The following GRK5 variants were observed in gnomAD, a reference collection of about 807,000 sequenced individuals.
GRK5 encodes g protein-coupled receptor kinase GRK5.
Under a neutral mutation model 78.4 loss-of-function variants are expected in GRK5, and 40 were observed. That is an observed-to-expected ratio of 0.51 (90% CI 0.40 to 0.66). The LOEUF is 0.66. Among genes scored for constraint, GRK5 ranks in the 30% least tolerant of loss-of-function variants. GRK5 has a pLI of 0.00. For synonymous variants in GRK5, 289 were observed against 296.8 expected, an observed-to-expected ratio of 0.97 and a Z score of 0.27; for missense variants, 598 against 759.9, an observed-to-expected ratio of 0.79 and a Z score of 2.50.
intron 1 of GRK5, among the ~76,000 whole-genome samples, chr10:119,275,237 TC>T (rs1304047894): frequency 2.0e-5 from 3 of 152,166 alleles, no homozygotes; most frequent in Non-Finnish European, 4.4e-5. Flanking sequence ...GAGTAAAGTG[TC>T]AGGGCACATG....
chr10:119,354,317 A>C (rs768156410), intron 2 of GRK5, among the ~76,000 whole-genome samples: 4 of 151,152 alleles, frequency 2.6e-5, no homozygotes, highest in African/African-American at 7.3e-5. Flanking sequence ...ATTATTAACT[A>C]TAGTTCTCAT....
At chr10:119,418,605 CT>C (rs767269572) in intron 4 of GRK5, among the ~76,000 whole-genome samples, 1 of 152,238 alleles carries the variant, frequency 6.6e-6, no homozygotes, top group Non-Finnish European at 1.5e-5. Context: ...CAGGCTGAGG[CT>C]GACCACTGTG....
chr10:119,332,533 T>C (rs1339432325), intron 2 of GRK5, among the ~76,000 whole-genome samples: 1 of 152,190 alleles, frequency 6.6e-6, no homozygotes, highest in Non-Finnish European at 1.5e-5. Flanking sequence ...TCATTGTAGG[T>C]TGTTGTCTAC....
chr10:119,362,808 T>C (rs117139828), intron 2 of GRK5, among the ~76,000 whole-genome samples: 3,304 of 152,296 alleles, frequency 0.022, 62 homozygotes, highest in South Asian at 0.036. Flanking sequence ...GCAACATCTG[T>C]ATCTCCCAAG....
intron 1 of GRK5, among the ~76,000 whole-genome samples, chr10:119,276,344 C>A (rs991619735): frequency 1.3e-5 from 2 of 151,822 alleles, no homozygotes; most frequent in South Asian, 4.2e-4. Context: ...AATGAGAACA[C>A]GTGGTGTTTG....
At chr10:119,299,863 G>A (rs915176776) in intron 1 of GRK5, among the ~76,000 whole-genome samples, 1 of 151,938 alleles carries the variant, frequency 6.6e-6, no homozygotes, top group Non-Finnish European at 1.5e-5. Flanking sequence ...TGCACAACCT[G>A]CAGGTTTGTT....
chr10:119,318,518 C>T (rs1036486270), intron 1 of GRK5, among the ~76,000 whole-genome samples: 2 of 152,152 alleles, frequency 1.3e-5, no homozygotes, highest in Non-Finnish European at 2.9e-5. Flanking sequence ...TCCACATCAC[C>T]AGTATTGCGG....
rs1852995373 is a variant in GRK5, at chr10:119,439,785, T to A, written c.967+17T>A. The A allele has an allele frequency of 1.2e-6, 2 of 1,612,952 alleles. No individual in the cohort carries two copies. Among genetic ancestry groups the A allele is most frequent in the Non-Finnish European group, 1.7e-6 (2 of 1,179,206 alleles). ...ATGATTATGGTAAGTCTTTTCCTAC[T>A]CGGTAGCTGAGGTGAGCATTGCAAC... is the stretch of plus-strand genomic sequence containing the variant. On this transcript the variant is annotated intron_variant, in intron 10 of 15. Transcript: ENST00000392870.
At chr10:119,376,912 A>C (rs1441510238) in intron 2 of GRK5, among the ~76,000 whole-genome samples, 3 of 152,148 alleles carry the variant, frequency 2.0e-5, no homozygotes, top group Non-Finnish European at 4.4e-5. Flanking sequence ...TCTGGCTTGG[A>C]GGAAAAGATC....
intron 1 of GRK5, among the ~76,000 whole-genome samples, chr10:119,301,000 A>G (rs1766033434): frequency 6.6e-6 from 1 of 152,140 alleles, no homozygotes; most frequent in South Asian, 2.1e-4. Context: ...GCTACTTGGA[A>G]GGCTGAGTCA....
intron 1 of GRK5, among the ~76,000 whole-genome samples, chr10:119,279,505 C>T (rs1213586726): frequency 6.6e-6 from 1 of 152,152 alleles, no homozygotes; most frequent in Non-Finnish European, 1.5e-5. Flanking sequence ...AGGAGGAGGG[C>T]TCGGTGCTAC....
rs1853444305 is a variant in GRK5, at chr10:119,459,119, A to C, written c.*4052A>C. ...GGCTGTGGAAAGATAGTGAGTATGA[A>C]GTCTTTGTGCATTTGGAAGTGACAT... On this transcript the variant is annotated 3_prime_UTR_variant, in exon 16 of 16. Coordinates refer to ENST00000392870, the MANE Select transcript of GRK5 (RefSeq NM_005308.3). 1 of 152,214 alleles carries C rather than the reference A, an allele frequency of 6.6e-6. No individual in the cohort carries two copies. Among genetic ancestry groups the C allele is most frequent in the Admixed American group, 6.5e-5 (1 of 15,288 alleles). 9.4% of individuals were successfully genotyped at this position (152,214 alleles called of 1,614,324 possible).
rs185370578 is a variant in GRK5, at chr10:119,374,884, C to T, written c.149-5931C>T. On this transcript the variant is annotated intron_variant, in intron 2 of 15. Coordinates refer to ENST00000392870, the MANE Select transcript of GRK5 (RefSeq NM_005308.3). ...CCTGCTCCTGCTTCACCTTCTACCACGATTGTAAGCTTCCTGAGGCCTCCC... is the reference window on the plus strand; with the variant it reads ...CCTGCTCCTGCTTCACCTTCTACCATGATTGTAAGCTTCCTGAGGCCTCCC... Among the ~76,000 whole-genome samples, 17 of 152,220 alleles carry T rather than the reference C, an allele frequency of 1.1e-4. No homozygotes were observed. The East Asian group carries it at 2.7e-3, about 24-fold the overall frequency.
At chr10:119,354,732 C>G (rs1001252874) in intron 2 of GRK5, among the ~76,000 whole-genome samples, 3 of 152,170 alleles carry the variant, frequency 2.0e-5, no homozygotes, top group African/African-American at 7.2e-5. Context: ...TTCCATTGTA[C>G]AGTTGATCCT....
At chr10:119,441,237 C>A (rs1256627011) in intron 10 of GRK5, among the ~76,000 whole-genome samples, 1 of 152,210 alleles carries the variant, frequency 6.6e-6, no homozygotes, top group African/African-American at 2.4e-5. Flanking sequence ...GCCAGGGAGT[C>A]CACACGGCTC....
intron 2 of GRK5, among the ~76,000 whole-genome samples, chr10:119,363,431 C>A (rs1046183562): frequency 1.3e-5 from 2 of 152,176 alleles, no homozygotes; most frequent in African/African-American, 2.4e-5. Flanking sequence ...GAGAAAAGGT[C>A]ATGCAGCTAG....
At chr10:119,258,313 T>C (rs1338243359) in intron 1 of GRK5, among the ~76,000 whole-genome samples, 1 of 152,188 alleles carries the variant, frequency 6.6e-6, no homozygotes, top group Non-Finnish European at 1.5e-5. Flanking sequence ...GAGTTCAGGG[T>C]TTGTTTATTC....
intron 4 of GRK5, among the ~76,000 whole-genome samples, chr10:119,405,114 G>A (rs1210975889): frequency 6.6e-6 from 1 of 152,168 alleles, no homozygotes; most frequent in Non-Finnish European, 1.5e-5. Flanking sequence ...CTTTGTTAGG[G>A]ACTATCAGTG....
chr10:119,242,940 G>A (rs1022827352), intron 1 of GRK5, among the ~76,000 whole-genome samples: 1 of 151,990 alleles, frequency 6.6e-6, no homozygotes, highest in African/African-American at 2.4e-5. Context: ...TTATAGCAAT[G>A]TGAAAACAGA....
Sources: allele counts gnomAD v4.1 joint callset (sites outside exome capture counted in the v4.1 genomes callset), GRCh38; gene constraint gnomAD v4.1.1; transcripts MANE v1.5; gene names NCBI Gene and HGNC (gene_info 2026-07-23, HGNC 2026-07-21).